Variants in FRMD5 observed in about 807,000 individuals in gnomAD.
FRMD5 encodes the protein FERM domain-containing protein 5.
Under a neutral mutation model 69.0 loss-of-function variants are expected in FRMD5, and 20 were observed. The ratio of observed to expected loss-of-function variants is 0.29; its 90% CI spans 0.20 to 0.42. The LOEUF is 0.42. FRMD5 is among the 10% of genes least tolerant of loss of function. FRMD5 has a pLI of 1.00. For synonymous variants in FRMD5, 271 were observed against 260.1 expected (o/e 1.04, Z -0.40); for missense variants, 595 against 708.6 (o/e 0.84, Z 1.82).
intron 3 of FRMD5, 22 bp from the exon 4 acceptor site, chr15:43,919,559 C>A (rs752892816): frequency 2.5e-6 from 4 of 1,611,958 alleles, no homozygotes; most frequent in Non-Finnish European, 2.5e-6. Context: ...AAGAGGTGCT[C>A]ATCAGGGAAG....
intron 1 of FRMD5, among the ~76,000 whole-genome samples, chr15:44,057,648 G>A (rs1892926515): frequency 6.6e-6 from 1 of 152,132 alleles, no homozygotes; most frequent in Admixed American, 6.5e-5. Flanking sequence ...TGTTTCTAGA[G>A]AACCCAGGAT....
intron 1 of FRMD5, among the ~76,000 whole-genome samples, chr15:44,080,830 G>A (rs780196794): frequency 5.9e-5 from 9 of 151,972 alleles, no homozygotes; most frequent in African/African-American, 1.2e-4. Context: ...TTCTCCAGCT[G>A]GTCTACCTAG....
At chr15:44,088,374 T>C (rs1566939694) in intron 1 of FRMD5, among the ~76,000 whole-genome samples, 1 of 152,160 alleles carries the variant, frequency 6.6e-6, no homozygotes, top group Non-Finnish European at 1.5e-5. Flanking sequence ...GATTTGCCTA[T>C]TCTGAACATT....
intron 1 of FRMD5, among the ~76,000 whole-genome samples, chr15:43,985,065 G>C (rs1391302645): frequency 5.9e-5 from 9 of 151,538 alleles, no homozygotes; most frequent in Non-Finnish European, 1.3e-4. Flanking sequence ...CAGATCACGA[G>C]GTCAGGAGAT....
At chr15:44,162,687 G>A (rs1386060078) in intron 1 of FRMD5, among the ~76,000 whole-genome samples, 2 of 151,274 alleles carry the variant, frequency 1.3e-5, no homozygotes, top group African/African-American at 2.4e-5. Flanking sequence ...GACCAACATG[G>A]AGAAACTCCG....
chr15:43,885,856 AG>A lies in FRMD5; in HGVS notation c.885-102del, dbSNP rs1224458767. On this transcript the variant is annotated intron_variant, in intron 10 of 13. Coordinates refer to ENST00000417257, the MANE Select transcript of FRMD5 (RefSeq NM_032892.5). Reference sequence around the variant, plus strand: ...TCTTCCAAAGGCTACTTGAAACTTCAGGAAAAAAGCCCTTCATAGTCCACAT... The same window carrying A: ...TCTTCCAAAGGCTACTTGAAACTTCAGAAAAAAGCCCTTCATAGTCCACAT... 3 of 914,082 alleles carry A rather than the reference AG, an allele frequency of 3.3e-6. No individual in the cohort carries two copies. In the African/African-American group the frequency reaches 4.9e-5, roughly 15 times the overall value. 56.6% of individuals were successfully genotyped at this position (914,082 alleles called of 1,614,324 possible).
intron 1 of FRMD5, among the ~76,000 whole-genome samples, chr15:44,052,805 A>T (rs1892724007): frequency 6.6e-6 from 1 of 152,144 alleles, no homozygotes; most frequent in Non-Finnish European, 1.5e-5. Flanking sequence ...GGCCTTAGAG[A>T]ATACTGAATT....
chr15:44,114,877 C>A (rs544860867), intron 1 of FRMD5, among the ~76,000 whole-genome samples: 2 of 152,210 alleles, frequency 1.3e-5, no homozygotes, highest in South Asian at 4.2e-4. Flanking sequence ...AAGACTGTGG[C>A]CAACTACTAG....
At chr15:43,932,751 G>T (rs2089696872) in intron 1 of FRMD5, among the ~76,000 whole-genome samples, 1 of 152,208 alleles carries the variant, frequency 6.6e-6, no homozygotes, top group African/African-American at 2.4e-5. Flanking sequence ...TTCCCCCTGG[G>T]ATTCCCCAGG....
At chr15:44,199,030 C>T (rs569931338), upstream of FRMD5, among the ~76,000 whole-genome samples, 2 of 152,262 alleles carry the variant, frequency 1.3e-5, no homozygotes, top group East Asian at 1.9e-4. Context: ...CTAAACAAAG[C>T]ATTTCGTGTC....
intron 1 of FRMD5, among the ~76,000 whole-genome samples, chr15:43,959,017 A>G (rs952911310): frequency 3.9e-5 from 6 of 152,226 alleles, no homozygotes; most frequent in Non-Finnish European, 7.3e-5. Flanking sequence ...GGGAGCTGAA[A>G]AAAAGCCTTC....
chr15:44,176,522 T>C (rs191600883), intron 1 of FRMD5, among the ~76,000 whole-genome samples: 10 of 152,218 alleles, frequency 6.6e-5, no homozygotes, highest in African/African-American at 2.4e-4. Context: ...AAAAATAAGA[T>C]TATTAAATTG....
chr15:43,994,214 C>T (rs1386014205), intron 1 of FRMD5, among the ~76,000 whole-genome samples: 3 of 151,818 alleles, frequency 2.0e-5, no homozygotes, highest in Non-Finnish European at 2.9e-5. Context: ...GGCTTTGATT[C>T]CTTACTTTTT....
At chr15:44,162,680 C>G (rs2077636979) in intron 1 of FRMD5, among the ~76,000 whole-genome samples, 1 of 148,080 alleles carries the variant, frequency 6.8e-6, no homozygotes, top group African/African-American at 2.5e-5. Flanking sequence ...CCAGCCTGAC[C>G]AACATGGAGA....
intron 1 of FRMD5, among the ~76,000 whole-genome samples, chr15:44,060,978 A>AC (rs1893065651): frequency 2.6e-5 from 4 of 152,214 alleles, no homozygotes; most frequent in Non-Finnish European, 5.9e-5. Flanking sequence ...AATGTCTAGT[A>AC]TACAACATAA....
chr15:44,120,533 A>ATTCTTTTTT (rs752188074), intron 1 of FRMD5, among the ~76,000 whole-genome samples: 1 of 137,862 alleles, frequency 7.3e-6, no homozygotes, highest in Non-Finnish European at 1.6e-5. Context: ...GGAAGAGTGG[A>ATTCTTTTTT]TTTTTTTTTT....
intron 1 of FRMD5, among the ~76,000 whole-genome samples, chr15:44,091,229 T>G (rs960135766): frequency 1.3e-5 from 2 of 152,230 alleles, no homozygotes; most frequent in African/African-American, 4.8e-5. Context: ...TATACCTGAC[T>G]GGTGGTTTTT....
chr15:43,885,540 T>C, intron 11 of FRMD5, 141 bp downstream of exon 11: 1 of 701,482 alleles, frequency 1.4e-6, no homozygotes, highest in Admixed American at 2.2e-5. Flanking sequence ...AAAAGGGTCA[T>C]AAGATGGGAG....
At chr15:44,005,270 C>A (rs1191897860) in intron 1 of FRMD5, among the ~76,000 whole-genome samples, 1 of 152,084 alleles carries the variant, frequency 6.6e-6, no homozygotes, top group East Asian at 1.9e-4. Context: ...CATCTGAAGT[C>A]AGGAGTTCGA....
Sources: gnomAD v4.1 joint callset for allele counts (sites outside exome capture counted in the v4.1 genomes callset) on GRCh38, gnomAD v4.1.1 for gene constraint, MANE v1.5 for transcripts, NCBI Gene and HGNC (gene_info 2026-07-23, HGNC 2026-07-21) for gene names.